The following GSDME variants were observed in gnomAD, a reference collection of about 807,000 sequenced individuals.
The protein encoded by GSDME is gasdermin E, also known as gasdermin-E.
A neutral mutation model predicts 47.5 loss-of-function variants in GSDME; 44 were observed. The observed-to-expected ratio is 0.93, with a 90% CI of 0.73 to 1.19. The LOEUF (loss-of-function observed/expected upper bound fraction) is 1.19. Among genes scored for constraint, GSDME ranks in the 50% most tolerant of loss-of-function variants. The pLI is 0.00. For missense variants in GSDME, 663 were observed against 604.2 expected (o/e 1.10, Z -1.02); for synonymous variants, 258 against 252.8 (o/e 1.02, Z -0.20).
chr7:24,718,938 C>G, intron 4 of GSDME, 109 bp downstream of exon 4: 1 of 1,270,874 alleles, frequency 7.9e-7, no homozygotes, highest in Non-Finnish European at 1.1e-6. Flanking sequence ...TTTCTGTTAA[C>G]TTGCTACGGA....
At chr7:24,702,683 C>G in intron 9 of GSDME, 77 bp downstream of exon 9, 1 of 1,252,012 alleles carries the variant, frequency 8.0e-7, no homozygotes, top group Non-Finnish European at 1.2e-6. Context: ...AGGTGTTTTA[C>G]CGGCTGCTGG....
intron 7 of GSDME, 122 bp from the exon 8 acceptor site, chr7:24,706,498 C>G: frequency 1.1e-6 from 1 of 903,372 alleles, no homozygotes; most frequent in Non-Finnish European, 1.7e-6. Flanking sequence ...AAGTACGACC[C>G]GCAGCTCTTC....
Position 24,744,456 on chromosome 7 carries a change from T to C in GSDME, c.404+106A>G, listed in dbSNP as rs1790583487. Reference sequence around the variant, plus strand: ...CACAAGCGCATTCAATACATGTTTATTGATCGGCAGAGATCAAATCTGTCG... The same window carrying C: ...CACAAGCGCATTCAATACATGTTTACTGATCGGCAGAGATCAAATCTGTCG... On this transcript the variant is annotated intron_variant, in intron 3 of 9. Coordinates refer to ENST00000645220, the MANE Select transcript of GSDME (RefSeq NM_001127453.2). The surrounding 1 kb of genome is among the most constrained non-coding windows in gnomAD (Gnocchi z 4.5). 2.4e-6 allele frequency: 3 copies of C among 1,224,574 alleles called. No individual in the cohort carries two copies. Among genetic ancestry groups the C allele is most frequent in the South Asian group, 2.4e-5 (2 of 82,708 alleles). 75.9% of individuals were successfully genotyped at this position (1,224,574 alleles called of 1,614,324 possible).
chr7:24,770,249 T>C, the GSDME span, among the ~76,000 whole-genome samples: 38 of 152,370 alleles, frequency 2.5e-4, no homozygotes, highest in African/African-American at 8.7e-4. The surrounding 1 kb of genome is among the most constrained non-coding windows in gnomAD (Gnocchi z 4.6). Context: ...AGCTTCCACA[T>C]TGGTGAACAC....
chr7:24,730,902 T>C (rs1213796446), intron 3 of GSDME, among the ~76,000 whole-genome samples: 1 of 152,086 alleles, frequency 6.6e-6, no homozygotes, highest in East Asian at 1.9e-4. Context: ...AGAACAAGTA[T>C]TGGAGGGTCC....
intron 6 of GSDME, among the ~76,000 whole-genome samples, chr7:24,709,001 A>T (rs999619028): frequency 4.6e-5 from 7 of 152,228 alleles, no homozygotes; most frequent in African/African-American, 1.4e-4. Context: ...AAGGTTTCGT[A>T]TGCAGGGATG....
intron 3 of GSDME, among the ~76,000 whole-genome samples, chr7:24,729,984 T>C (rs764434326): frequency 1.3e-5 from 2 of 152,098 alleles, no homozygotes; most frequent in Non-Finnish European, 1.5e-5. Context: ...CAGATAAGGT[T>C]GATATTTAAG....
At chr7:24,795,010 G>T in the GSDME span, among the ~76,000 whole-genome samples, 4 of 151,988 alleles carry the variant, frequency 2.6e-5, no homozygotes, top group Non-Finnish European at 4.4e-5. Flanking sequence ...CAAAACCAAG[G>T]TGCCAATAAA....
chr7:24,714,462 TAAA>T lies in GSDME; in HGVS notation c.697+2789_697+2791del, dbSNP rs1321522033. 6.6e-6 allele frequency among the ~76,000 whole-genome samples: 1 copy of T among 151,924 alleles called. No individual in the cohort carries two copies. Among genetic ancestry groups the T allele is most frequent in the African/African-American group, 2.4e-5 (1 of 41,344 alleles). Reference sequence around the variant, plus strand: ...AAGAAAAGAAATAGCAGAACTGGTTTAAAATCAGGCAGTGAATCACCCAGAACG... The same window carrying T: ...AAGAAAAGAAATAGCAGAACTGGTTTATCAGGCAGTGAATCACCCAGAACG... On this transcript the variant is annotated intron_variant, in intron 5 of 9. Coordinates refer to ENST00000645220, the MANE Select transcript of GSDME (RefSeq NM_001127453.2). This position sits in a 1 kb window ranked among gnomAD's most constrained non-coding sequence, Gnocchi z 5.0.
chr7:24,776,180 C>CAA, the GSDME span, among the ~76,000 whole-genome samples: 1,516 of 70,282 alleles, frequency 0.022, 73 homozygotes, highest in African/African-American at 0.067. Flanking sequence ...AACTCCATCT[C>CAA]AAAAAAAAAA....
the GSDME span, among the ~76,000 whole-genome samples, chr7:24,774,330 T>C: frequency 3.9e-3 from 369 of 93,570 alleles, 1 homozygote; most frequent in African/African-American, 0.015. Flanking sequence ...CTTCCCTCCC[T>C]CCCTCCCTTC....
the GSDME span, among the ~76,000 whole-genome samples, chr7:24,775,252 C>T: frequency 6.6e-6 from 1 of 152,154 alleles, no homozygotes; most frequent in African/African-American, 2.4e-5. Context: ...TTTCAGATTT[C>T]TTAGTAACTC....
Position 24,710,318 on chromosome 7 carries a change from G to T in GSDME, c.768C>A (p.Asp256Glu), listed in dbSNP as rs1402898240. 2 of 1,614,216 alleles carry T rather than the reference G, an allele frequency of 1.2e-6. No individual in the cohort carries two copies. The highest frequency in any genetic ancestry group is 1.7e-6 in the Non-Finnish European group (2 of 1,180,020). ...ATGCAAACTCTCGAAAGACCAGGGGGTCCAGGTAGACAGAGTCAATTCTCT... is the reference window on the plus strand; with the variant it reads ...ATGCAAACTCTCGAAAGACCAGGGGTTCCAGGTAGACAGAGTCAATTCTCT... ...NKKRIDSVYL[D>E]PLVFREFAFI... Residue 256 changes from aspartate to glutamate, a missense_variant, in exon 6 of 10, where the codon GAC (aspartate) becomes GAA (glutamate). Physicochemically the swap from Asp to Glu is conservative, Grantham distance 45. Coordinates refer to ENST00000645220, the MANE Select transcript of GSDME (RefSeq NM_001127453.2).
Position 24,705,463 on chromosome 7 carries a change from C to G in GSDME, c.1183+721G>C, listed in dbSNP as rs1789057593. 6.4e-6 allele frequency: 1 copy of G among 157,330 alleles called. No individual in the cohort carries two copies. Among genetic ancestry groups the G allele is most frequent in the South Asian group, 1.9e-4 (1 of 5,162 alleles). The allele number at this position is 157,330 out of a possible 1,614,324, so 9.7% of individuals were successfully genotyped here. On this transcript the variant is annotated intron_variant, in intron 8 of 9. Coordinates refer to ENST00000645220, the MANE Select transcript of GSDME (RefSeq NM_001127453.2). This position sits in a 1 kb window ranked among gnomAD's most constrained non-coding sequence, Gnocchi z 4.1. ...ATGTATCAGAAACTATGTGTCCTGA[C>G]TAGTGTCACCATGAAGGGAAGCTGT...
the GSDME span, among the ~76,000 whole-genome samples, chr7:24,789,668 G>A: frequency 6.6e-6 from 1 of 152,216 alleles, no homozygotes; most frequent in Non-Finnish European, 1.5e-5. Context: ...TTTCATTTCT[G>A]CCTTTTAGTT....
intron 4 of GSDME, among the ~76,000 whole-genome samples, chr7:24,717,635 CT>C (rs1370987269): frequency 2.6e-5 from 4 of 152,192 alleles, no homozygotes; most frequent in African/African-American, 9.6e-5. Context: ...GAAGTTAGGT[CT>C]ACAGTGCTGT....
In GSDME at chr7:24,708,119, G is replaced by A. The variant is rs1446380096; in HGVS notation, c.990+8C>T. On this transcript the variant is annotated splice_region_variant and intron_variant, in intron 7 of 9. Transcript: ENST00000645220. The stretch of plus-strand genomic sequence containing the variant: ...GAAAACACTGCCTTGAGATGTCTCA[G>A]GGCTCACCACTGGTTCCAGGACCAT... 5 of 1,614,102 alleles carry A rather than the reference G, an allele frequency of 3.1e-6. No homozygotes were observed. The East Asian group carries it at 1.1e-4, about 36-fold the overall frequency.
chr7:24,742,928 G>T lies in GSDME; in HGVS notation c.404+1634C>A, dbSNP rs1270484085. Among the ~76,000 whole-genome samples, 1 of 152,224 alleles carries T rather than the reference G, an allele frequency of 6.6e-6. No homozygotes were observed. The highest frequency in any genetic ancestry group is 2.4e-5 in the African/African-American group (1 of 41,470). ...TAAGCTGTAGAGAAAGGAAAATAAA[G>T]ATCATGACTGCCAGAGACAGAGGCA... On this transcript the variant is annotated intron_variant, in intron 3 of 9. Coordinates refer to ENST00000645220, the MANE Select transcript of GSDME (RefSeq NM_001127453.2). The surrounding 1 kb of genome is among the most constrained non-coding windows in gnomAD (Gnocchi z 4.4).
In GSDME at chr7:24,739,237, G is replaced by T. The variant is rs1790409354; in HGVS notation, c.404+5325C>A. ...TTTTTACACTACCCATGTGACAAGA[G>T]ATTAATAACCAGAATATAAAAGGGG... On this transcript the variant is annotated intron_variant, in intron 3 of 9. Transcript: ENST00000645220. The surrounding 1 kb of genome is among the most constrained non-coding windows in gnomAD (Gnocchi z 5.1). Among the ~76,000 whole-genome samples the T allele has an allele frequency of 6.6e-6, 1 of 152,110 alleles. No homozygotes were observed. The highest frequency in any genetic ancestry group is 1.5e-5 in the Non-Finnish European group (1 of 67,988).
Sources: allele counts gnomAD v4.1 joint callset (sites outside exome capture counted in the v4.1 genomes callset), GRCh38; gene constraint gnomAD v4.1.1; non-coding constraint Gnocchi (gnomAD v3.1); transcripts MANE v1.5; gene names NCBI Gene and HGNC (gene_info 2026-07-23, HGNC 2026-07-21).